Variants in BTG4 observed in about 807,000 individuals in gnomAD.
The protein encoded by BTG4 is protein BTG4.
BTG4 carries 10 observed loss-of-function variants against 19.3 expected under a neutral mutation model. The observed-to-expected ratio is 0.52, with a 90% CI of 0.32 to 0.88. The LOEUF is 0.88. Ranked by LOEUF, BTG4 falls within the 40% of genes least tolerant of loss-of-function variation. BTG4 has a pLI of 0.04. For missense variants in BTG4, 238 were observed against 281.9 expected, an observed-to-expected ratio of 0.84 and a Z score of 1.11; for synonymous variants, 91 against 95.7, an observed-to-expected ratio of 0.95 and a Z score of 0.29.
the BTG4 span, among the ~76,000 whole-genome samples, chr11:111,427,231 T>G: frequency 6.6e-6 from 1 of 152,116 alleles, no homozygotes; most frequent in East Asian, 1.9e-4. Flanking sequence ...AGAGGAAAGG[T>G]GAGATCCATT....
At chr11:111,491,790 T>C (rs940493192), downstream of BTG4, among the ~76,000 whole-genome samples, 1 of 149,464 alleles carries the variant, frequency 6.7e-6, no homozygotes, top group African/African-American at 2.5e-5. Flanking sequence ...AAGTGGTACA[T>C]ACTCATCATA....
the BTG4 span, among the ~76,000 whole-genome samples, chr11:111,419,038 A>G: frequency 6.6e-6 from 1 of 152,124 alleles, no homozygotes; most frequent in African/African-American, 2.4e-5. Context: ...CTCTATACCT[A>G]TCTGTGTCCT....
At chr11:111,400,587 A>AC in the BTG4 span, among the ~76,000 whole-genome samples, 1 of 152,244 alleles carries the variant, frequency 6.6e-6, no homozygotes, top group Non-Finnish European at 1.5e-5. Context: ...AAAACAAGAC[A>AC]CATAAGTGAG....
At chr11:111,468,691 T>A (rs1863875331) in intron 5 of BTG4, among the ~76,000 whole-genome samples, 1 of 152,172 alleles carries the variant, frequency 6.6e-6, no homozygotes, top group Non-Finnish European at 1.5e-5. Context: ...AATAAAGGCA[T>A]GGAAGATGAA....
At chr11:111,412,997 G>T in the BTG4 span, among the ~76,000 whole-genome samples, 1 of 152,160 alleles carries the variant, frequency 6.6e-6, no homozygotes, top group Non-Finnish European at 1.5e-5. Context: ...TTAAAGACGG[G>T]TGGTCGGTGT....
intron 1 of BTG4, among the ~76,000 whole-genome samples, chr11:111,504,183 A>G (rs1866282177): frequency 6.6e-6 from 1 of 152,136 alleles, no homozygotes; most frequent in Admixed American, 6.5e-5. Flanking sequence ...TCTGACAGAA[A>G]GTATTTTTTT....
intron 5 of BTG4, among the ~76,000 whole-genome samples, chr11:111,472,317 G>A (rs978660380): frequency 2.0e-5 from 3 of 152,156 alleles, no homozygotes; most frequent in African/African-American, 7.2e-5. Flanking sequence ...CTTCTCTCGA[G>A]GGTTCCCTGT....
chr11:111,467,771 A>G (rs751954192), intron 5 of BTG4: 60 of 687,236 alleles, frequency 8.7e-5, no homozygotes, highest in Non-Finnish European at 1.4e-4. Context: ...CCTCCTGGAA[A>G]TAAGTCATTT....
the BTG4 span, among the ~76,000 whole-genome samples, chr11:111,412,675 C>T: frequency 6.6e-6 from 1 of 152,292 alleles, no homozygotes; most frequent in East Asian, 1.9e-4. Flanking sequence ...TTCATTATCC[C>T]CACTTTATAG....
At chr11:111,433,646 A>G in the BTG4 span, among the ~76,000 whole-genome samples, 1 of 152,232 alleles carries the variant, frequency 6.6e-6, no homozygotes, top group African/African-American at 2.4e-5. Flanking sequence ...AATTTTTGCA[A>G]TCTATCCATC....
chr11:111,511,434 A>G (rs1866903792), intron 1 of BTG4, among the ~76,000 whole-genome samples: 1 of 152,240 alleles, frequency 6.6e-6, no homozygotes, highest in South Asian at 2.1e-4. Flanking sequence ...TACTTGTGGC[A>G]TCTATGAGAC....
At chr11:111,420,120 C>A in the BTG4 span, among the ~76,000 whole-genome samples, 144,695 of 152,280 alleles carry the variant, frequency 0.95, 69,217 homozygotes, top group East Asian at 1. Context: ...CCAGTTCTCT[C>A]GGCAAAGGAA....
the BTG4 span, chr11:111,416,592 T>G: frequency 2.6e-5 from 4 of 151,378 alleles, no homozygotes; most frequent in African/African-American, 9.7e-5. Context: ...TTCTTAACAG[T>G]GTGAAACCCC....
chr11:111,394,777 A>G, the BTG4 span, among the ~76,000 whole-genome samples: 1 of 152,218 alleles, frequency 6.6e-6, no homozygotes, highest in Non-Finnish European at 1.5e-5. Flanking sequence ...GTCTTTAAGT[A>G]ACTGACACCA....
chr11:111,423,299 C>G, the BTG4 span, among the ~76,000 whole-genome samples: 5 of 152,210 alleles, frequency 3.3e-5, no homozygotes, highest in Non-Finnish European at 7.3e-5. Flanking sequence ...CAACTCTCCC[C>G]CAATCCACTG....
chr11:111,469,094 G>A (rs2135521171), intron 5 of BTG4: 1 of 152,190 alleles, frequency 6.6e-6, no homozygotes. Flanking sequence ...TAGGGCCAGA[G>A]AGTATTGTTT....
At chr11:111,394,424 C>T in the BTG4 span, among the ~76,000 whole-genome samples, 7 of 152,204 alleles carry the variant, frequency 4.6e-5, no homozygotes, top group Middle Eastern at 3.2e-3. Context: ...CAAGATCTGA[C>T]GGTTTTATAA....
intron 5 of BTG4, among the ~76,000 whole-genome samples, chr11:111,468,371 AC>A (rs1337260378): frequency 1.3e-5 from 2 of 152,244 alleles, no homozygotes; most frequent in East Asian, 3.8e-4. Flanking sequence ...GACTCACAAC[AC>A]TATGGGGTAC....
intron 1 of BTG4, 57 bp from the exon 2 acceptor site, chr11:111,498,859 A>C: frequency 1.6e-6 from 2 of 1,226,174 alleles, no homozygotes; most frequent in Non-Finnish European, 2.2e-6. Context: ...ACTTATTATC[A>C]ATATTTAACT....
Sources: gnomAD v4.1 joint callset for allele counts (sites outside exome capture counted in the v4.1 genomes callset) on GRCh38, gnomAD v4.1.1 for gene constraint, MANE v1.5 for transcripts, NCBI Gene and HGNC (gene_info 2026-07-23, HGNC 2026-07-21) for gene names.